The following CHD6 variants were observed in gnomAD, a reference collection of about 807,000 sequenced individuals.
CHD6 encodes ATP-dependent chromatin remodeler CHD6.
In CHD6, 50 loss-of-function variants were observed where a neutral mutation model predicts 276.9. That is an observed-to-expected ratio of 0.18 (90% confidence interval 0.14 to 0.23). CHD6 has a LOEUF of 0.23. Ranked by LOEUF, CHD6 falls within the 10% of genes least tolerant of loss-of-function variation. The pLI is 1.00. For synonymous variants in CHD6, 1,173 were observed against 1,229.3 expected (o/e 0.95, Z 0.96); for missense variants, 2,564 against 3,365.8 (o/e 0.76, Z 5.89).
rs763580626 is a variant in CHD6 at position 41,533,336 on chromosome 20, T to C, written c.268A>G (p.Thr90Ala). Residue 90 changes from threonine (T) to alanine (A), a missense_variant, in exon 3 of 37, where the codon ACT (threonine) becomes GCT (alanine). Thr to Ala is a moderately conservative substitution (Grantham distance 58). Coordinates refer to ENST00000373233, the MANE Select transcript of CHD6 (RefSeq NM_032221.5). ...TTCTTCCGTTTCTTCTTCACTCCAG[T>C]ACCTCCTCCTCCACTGTCCTCCATC... ...NGMEDSGGGG[T>A]GVKKKRKKKE... 4.9e-5 allele frequency: 79 copies of C among 1,613,994 alleles called. No individual in the cohort carries two copies. The highest frequency in any genetic ancestry group is 6.4e-5 in the Non-Finnish European group (76 of 1,180,010).
rs1351645074 is a variant in CHD6 at position 41,431,872 on chromosome 20, A to C, written c.4068+5402T>G. 4.6e-5 allele frequency among the ~76,000 whole-genome samples: 7 copies of C among 151,450 alleles called. 1 individual carries two copies. The highest frequency in any genetic ancestry group is 9.7e-5 in the African/African-American group (4 of 41,042). On this transcript the variant is annotated intron_variant, in intron 27 of 36. Transcript: ENST00000373233. ...GGCAGACAAAAAAGGCCCTCAAAAA[A>C]AACCTTCCGGGCGCGGTGGCTCACG...
chr20:41,588,745 C>A (rs2045623399), intron 1 of CHD6, among the ~76,000 whole-genome samples: 1 of 152,086 alleles, frequency 6.6e-6, no homozygotes, highest in African/African-American at 2.4e-5. Context: ...TTTCTAGGAC[C>A]AAAGACATGC....
At chr20:41,592,052 T>C (rs912447402) in intron 1 of CHD6, among the ~76,000 whole-genome samples, 6 of 152,128 alleles carry the variant, frequency 3.9e-5, no homozygotes, top group African/African-American at 1.2e-4. Flanking sequence ...TGAGCCGAGA[T>C]CGTGCCGCTG....
At chr20:41,577,119 A>C (rs1202914598) in intron 1 of CHD6, among the ~76,000 whole-genome samples, 5 of 152,238 alleles carry the variant, frequency 3.3e-5, no homozygotes, top group African/African-American at 9.6e-5. Flanking sequence ...ACAACAACAA[A>C]AAATCACTAA....
At chr20:41,584,777 A>G (rs1277238344) in intron 1 of CHD6, among the ~76,000 whole-genome samples, 1 of 152,172 alleles carries the variant, frequency 6.6e-6, no homozygotes, top group East Asian at 1.9e-4. Context: ...TCAAAACAAC[A>G]TGAAAATTTA....
chr20:41,439,973 T>C (rs760067291), intron 26 of CHD6, 27 bp downstream of exon 26: 4 of 1,612,128 alleles, frequency 2.5e-6, no homozygotes, highest in South Asian at 2.2e-5. Flanking sequence ...GCATGTCACA[T>C]GAGGGCTGGC....
chr20:41,563,339 T>A (rs1245816764), intron 1 of CHD6, among the ~76,000 whole-genome samples: 1 of 152,214 alleles, frequency 6.6e-6, no homozygotes. Context: ...TCAAAGTAAT[T>A]ACTATTAACT....
intron 36 of CHD6, 146 bp from the exon 37 acceptor site, chr20:41,405,635 G>A: frequency 3.3e-6 from 2 of 615,312 alleles, no homozygotes; most frequent in South Asian, 4.6e-5. Flanking sequence ...CCGCCTACTT[G>A]TGCAGCTCTC....
At chr20:41,424,805 C>G (rs940723428) in intron 29 of CHD6, among the ~76,000 whole-genome samples, 2 of 152,152 alleles carry the variant, frequency 1.3e-5, no homozygotes, top group Non-Finnish European at 2.9e-5. Flanking sequence ...AAGGATTTAG[C>G]TATAATAAGA....
intron 5 of CHD6, among the ~76,000 whole-genome samples, chr20:41,505,582 C>A (rs369642078): frequency 1.3e-5 from 2 of 152,162 alleles, no homozygotes; most frequent in African/African-American, 4.8e-5. Context: ...TTTAGTTCAT[C>A]TAATTCTTGT....
chr20:41,494,384 A>T (rs2043626875), intron 8 of CHD6, among the ~76,000 whole-genome samples: 1 of 152,212 alleles, frequency 6.6e-6, no homozygotes, highest in South Asian at 2.1e-4. Context: ...GGTAGTAGTT[A>T]CACAAATGTG....
At position 41,403,977 on chromosome 20, in the gene CHD6, A is replaced by T; in HGVS notation, c.*616T>A. The T allele has an allele frequency of 9.5e-7, 1 of 1,054,322 alleles. No homozygotes were observed. The highest frequency in any genetic ancestry group is 4.6e-5 in the South Asian group (1 of 21,886). 65.3% of individuals were successfully genotyped at this position (1,054,322 alleles called of 1,614,324 possible). A position where few individuals can be genotyped will look rare whatever the true frequency, so the allele number is the denominator to read the frequency against. ...GCTGCAGGTGTCTGAAAAACCACCA[A>T]GGGGGAAATTATATTACTACCGGTA... On this transcript the variant is annotated 3_prime_UTR_variant, in exon 37 of 37. Coordinates refer to ENST00000373233, the MANE Select transcript of CHD6 (RefSeq NM_032221.5).
At chr20:41,563,278 A>G (rs956403247) in intron 1 of CHD6, among the ~76,000 whole-genome samples, 5 of 152,226 alleles carry the variant, frequency 3.3e-5, no homozygotes. Context: ...CCTGTGGGCC[A>G]GCTGCTGAAT....
intron 17 of CHD6, among the ~76,000 whole-genome samples, chr20:41,462,803 T>C (rs574451898): frequency 2.6e-4 from 39 of 152,354 alleles, no homozygotes; most frequent in Non-Finnish European, 5.1e-4. Context: ...CACATATGCA[T>C]ATTTATAGTC....
rs762396684 is a variant in CHD6, at chr20:41,514,863, C to T, written c.644G>A (p.Gly215Asp). 1.2e-5 allele frequency: 19 copies of T among 1,613,954 alleles called. No homozygotes were observed. Among genetic ancestry groups the T allele is most frequent in the African/African-American group, 2.7e-5 (2 of 74,936 alleles). Residue 215 changes from glycine to aspartate, a missense_variant, in exon 4 of 37, where the codon GGC becomes GAC. Physicochemically the swap from Gly to Asp is moderately conservative, Grantham distance 94. Around this residue, in one of 7 missense-constraint regions of CHD6, gnomAD observed 286 missense variants for 297.8 expected, o/e 0.96. Transcript: ENST00000373233. ...TTVESLELDQ[G>D]LTNPSLRSPE... ...ACTCCGCAGAGATGGGTTCGTCAGGCCCTGATCCAGCTCTAAACTCTCCAC... is the reference window on the plus strand; with the variant it reads ...ACTCCGCAGAGATGGGTTCGTCAGGTCCTGATCCAGCTCTAAACTCTCCAC...
chr20:41,467,561 GAAAAA>G (rs11472253), intron 17 of CHD6, among the ~76,000 whole-genome samples: 1 of 39,144 alleles, frequency 2.6e-5, no homozygotes, highest in Admixed American at 3.9e-4. Context: ...TTCTGACAAT[GAAAAA>G]AAAAAAAAAA....
chr20:41,554,758 GAA>G (rs1005636106), intron 1 of CHD6, among the ~76,000 whole-genome samples: 6 of 151,938 alleles, frequency 3.9e-5, no homozygotes, highest in African/African-American at 1.5e-4. Flanking sequence ...AGAACAAAAT[GAA>G]AAGACTCCCA....
chr20:41,549,619 T>C (rs1181291037), intron 2 of CHD6, among the ~76,000 whole-genome samples: 3 of 149,914 alleles, frequency 2.0e-5, no homozygotes, highest in South Asian at 4.3e-4. Flanking sequence ...ATTGTGCACA[T>C]GTACCCTAAA....
intron 1 of CHD6, among the ~76,000 whole-genome samples, chr20:41,580,531 A>G (rs575943862): frequency 1.3e-5 from 2 of 151,138 alleles, no homozygotes; most frequent in South Asian, 2.1e-4. Context: ...GTAGTGGTGC[A>G]TGCCTGTGGT....
Sources: gnomAD v4.1 joint callset for allele counts (sites outside exome capture counted in the v4.1 genomes callset) on GRCh38, gnomAD v4.1.1 for gene constraint, gnomAD v4.1.1 regional missense constraint, MANE v1.5 for transcripts, NCBI Gene and HGNC (gene_info 2026-07-23, HGNC 2026-07-21) for gene names.